Variants in CIB4 observed in about 807,000 individuals in gnomAD.
CIB4 encodes the protein calcium and integrin binding family member 4.
CIB4 carries 25 observed loss-of-function variants against 25.8 expected under a neutral mutation model. The ratio of observed to expected loss-of-function variants is 0.97; its 90% CI spans 0.71 to 1.35. The LOEUF is 1.35. Among genes scored for constraint, CIB4 ranks in the 40% most tolerant of loss-of-function variants. CIB4 has a pLI of 0.00. For missense variants in CIB4, 235 were observed against 228.2 expected (o/e 1.03, Z -0.19); for synonymous variants, 75 against 81.4 (o/e 0.92, Z 0.42).
intron 3 of CIB4, among the ~76,000 whole-genome samples, chr2:26,613,230 T>G (rs1572558933): frequency 1.3e-5 from 2 of 152,224 alleles, no homozygotes; most frequent in South Asian, 4.1e-4. Context: ...GTTAGGAAAT[T>G]TCCTCCCTAG....
At position 26,582,890 on chromosome 2, in the gene CIB4, G is replaced by A. The variant is rs766042141; in HGVS notation, c.462C>T (p.Asp154=). The A allele has an allele frequency of 6.2e-7, 1 of 1,613,470 alleles. No individual in the cohort carries two copies. The highest frequency in any genetic ancestry group is 8.5e-7 in the Non-Finnish European group (1 of 1,179,456). The change falls in exon 6 of 7, where the codon GAC becomes GAT. Residue 154 remains aspartate, a synonymous_variant. Coordinates refer to ENST00000288861, the MANE Select transcript of CIB4 (RefSeq NM_001029881.3). The stretch of plus-strand genomic sequence containing the variant: ...CTGAGAAGGACAGCATGTTGTCATT[G>A]TCCAGATCCGACTCACTCAGGACCT... ...TNHVLSESDL[D]NDNMLSFSEF...
rs1572545607 is a variant in CIB4 at position 26,595,240 on chromosome 2, C to T, written c.264G>A (p.Met88Ile). The change falls in exon 4 of 7, where the codon ATG (methionine) becomes ATA (isoleucine). Residue 88 changes from methionine to isoleucine, a missense_variant. Transcript: ENST00000288861. Reference protein sequence around the residue: ...GMFSFEDVLGMASVFSEQACP... With the variant: ...GMFSFEDVLGIASVFSEQACP... ...AGGCCTGCTCGCTGAACACAGATGC[C>T]ATGCCCAGCACATCCTCAAAGGAGA... The T allele has an allele frequency of 7.4e-6, 12 of 1,614,180 alleles. No homozygotes were observed. Among genetic ancestry groups the T allele is most frequent in the Non-Finnish European group, 1.0e-5 (12 of 1,180,004 alleles).
chr2:26,593,435 CTA>C (rs1558557443), intron 4 of CIB4, among the ~76,000 whole-genome samples: 1 of 151,514 alleles, frequency 6.6e-6, no homozygotes, highest in Admixed American at 6.6e-5. Context: ...TATATACACA[CTA>C]TATATACCCA....
intron 2 of CIB4, among the ~76,000 whole-genome samples, chr2:26,630,335 G>A (rs1484803166): frequency 6.6e-6 from 1 of 152,224 alleles, no homozygotes; most frequent in Non-Finnish European, 1.5e-5. Flanking sequence ...GGCAGCCAGT[G>A]GAGGTGAGAC....
intron 3 of CIB4, among the ~76,000 whole-genome samples, chr2:26,608,075 T>A (rs913722733): frequency 1.3e-5 from 2 of 152,086 alleles, no homozygotes; most frequent in African/African-American, 2.4e-5. Flanking sequence ...CCACCTTTAC[T>A]AAAAATACAA....
rs1669631050 is a variant in CIB4, at chr2:26,641,300, C to G, written c.15G>C (p.Leu5Phe). The stretch of plus-strand genomic sequence containing the variant: ...GGTCCTCCCAGTGCATCTGATACCT[C>G]AAGCATTGCCCCATGCCAACCACAC... MGQC[L>F]RYQMHWEDLE... The change falls in exon 1 of 7, where the codon TTG (leucine) becomes TTC (phenylalanine). Residue 5 changes from leucine to phenylalanine, a missense_variant. By Grantham distance (22) the Leu-to-Phe change is conservative. Coordinates refer to ENST00000288861, the MANE Select transcript of CIB4 (RefSeq NM_001029881.3). 1.2e-6 allele frequency: 2 copies of G among 1,613,816 alleles called. No homozygotes were observed. The highest frequency in any genetic ancestry group is 1.1e-5 in the South Asian group (1 of 91,074).
intron 4 of CIB4, among the ~76,000 whole-genome samples, chr2:26,594,361 T>C (rs1271485658): frequency 1.3e-5 from 2 of 152,212 alleles, no homozygotes; most frequent in Non-Finnish European, 2.9e-5. Context: ...TGAGGCCTCA[T>C]AGGTCCCTCT....
chr2:26,625,513 C>T (rs950874810), intron 3 of CIB4, among the ~76,000 whole-genome samples: 3 of 152,224 alleles, frequency 2.0e-5, no homozygotes, highest in Admixed American at 6.5e-5. Flanking sequence ...CCACCATGCC[C>T]GGCTAATTTT....
rs1030300616 is a variant in CIB4, at chr2:26,581,486, C to T, written c.528-93G>A. 42 of 1,237,904 alleles carry T rather than the reference C, an allele frequency of 3.4e-5. 1 individual carries two copies. Among genetic ancestry groups the T allele is most frequent in the Middle Eastern group, 1.9e-4 (1 of 5,300 alleles). 76.7% of individuals were successfully genotyped at this position (1,237,904 alleles called of 1,614,324 possible). On this transcript the variant is annotated intron_variant, in intron 6 of 6. Transcript: ENST00000288861. ...ACAGTAGTCCTGGAGGCTCCCTCCC[C>T]GGCCTGCATCTCGTGTCCCTTTCTC...
chr2:26,587,218 A>G (rs1668474420), intron 4 of CIB4, among the ~76,000 whole-genome samples: 1 of 145,116 alleles, frequency 6.9e-6, no homozygotes, highest in Non-Finnish European at 1.5e-5. Context: ...AGGCAGGAGA[A>G]TGGCATGAAC....
chr2:26,635,039 C>T (rs1157683998), intron 2 of CIB4, among the ~76,000 whole-genome samples: 1 of 152,260 alleles, frequency 6.6e-6, no homozygotes, highest in Non-Finnish European at 1.5e-5. Context: ...GGTCTGCAGT[C>T]ACCGCCGGAA....
chr2:26,633,605 G>T (rs764353713), intron 2 of CIB4, among the ~76,000 whole-genome samples: 3 of 152,156 alleles, frequency 2.0e-5, no homozygotes, highest in Non-Finnish European at 4.4e-5. Flanking sequence ...GATGAATCGT[G>T]GCTGCATCTC....
chr2:26,617,147 TGCAC>T (rs1669110648), intron 3 of CIB4, among the ~76,000 whole-genome samples: 5 of 150,524 alleles, frequency 3.3e-5, no homozygotes, highest in African/African-American at 7.4e-5. Context: ...TGTGTGTGTG[TGCAC>T]GTGAGCGTGG....
In CIB4 at chr2:26,582,934, A is replaced by T. The variant is rs914925499; in HGVS notation, c.439-21T>A. 1.9e-6 allele frequency: 3 copies of T among 1,566,114 alleles called. No homozygotes were observed. In the African/African-American group the frequency reaches 4.1e-5, roughly 21 times the overall value. ...AGGACCTGGCGAGGGAGCACAGAAG[A>T]CAGTTGAGTGGAACCCCATGTCAGG... On this transcript the variant is annotated intron_variant, in intron 5 of 6. Transcript: ENST00000288861.
intron 2 of CIB4, among the ~76,000 whole-genome samples, chr2:26,631,253 T>A (rs1247076442): frequency 6.6e-6 from 1 of 151,992 alleles, no homozygotes; most frequent in African/African-American, 2.4e-5. Context: ...GGCGGGAGAA[T>A]CGCTTGAGCC....
intron 2 of CIB4, among the ~76,000 whole-genome samples, chr2:26,638,525 C>A (rs1220850283): frequency 6.6e-6 from 1 of 152,204 alleles, no homozygotes; most frequent in Non-Finnish European, 1.5e-5. Context: ...ATAGGAGGAA[C>A]CCCAGGGGTG....
chr2:26,637,514 G>A (rs1185297058), intron 2 of CIB4, among the ~76,000 whole-genome samples: 1 of 151,816 alleles, frequency 6.6e-6, no homozygotes, highest in Non-Finnish European at 1.5e-5. Flanking sequence ...CCACGTAACT[G>A]GAAGCCCCCT....
At chr2:26,594,229 G>A (rs535079191) in intron 4 of CIB4, among the ~76,000 whole-genome samples, 1 of 152,304 alleles carries the variant, frequency 6.6e-6, no homozygotes, top group Non-Finnish European at 1.5e-5. Flanking sequence ...AGTGACCTAT[G>A]ATAGGAGTTT....
chr2:26,629,058 T>C (rs147445827), intron 3 of CIB4, among the ~76,000 whole-genome samples: 2 of 152,250 alleles, frequency 1.3e-5, no homozygotes, highest in African/African-American at 2.4e-5. Flanking sequence ...CCTCGGAGGC[T>C]GAGCAGCAGG....
Sources: allele counts gnomAD v4.1 joint callset (sites outside exome capture counted in the v4.1 genomes callset), GRCh38; gene constraint gnomAD v4.1.1; transcripts MANE v1.5; gene names NCBI Gene and HGNC (gene_info 2026-07-23, HGNC 2026-07-21).